ZFYVE28: variants seen among roughly 807,000 people sequenced by gnomAD.
ZFYVE28 encodes the protein zinc finger FYVE-type containing 28, also known as lateral signaling target protein 2 homolog.
Under a neutral mutation model 82.1 loss-of-function variants are expected in ZFYVE28, and 40 were observed. That is an observed-to-expected ratio of 0.49 (90% CI 0.38 to 0.63). The LOEUF (loss-of-function observed/expected upper bound fraction) is 0.63, where lower values mean the gene tolerates loss of function less well. Ranked by LOEUF, ZFYVE28 falls within the 30% of genes least tolerant of loss-of-function variation. ZFYVE28 has a pLI of 0.00. For missense variants in ZFYVE28, 1,321 were observed against 1,242.1 expected (o/e 1.06, Z -0.96); for synonymous variants, 612 against 546.1 (o/e 1.12, Z -1.68).
chr4:2,363,643 C>T (rs969616509), intron 1 of ZFYVE28, among the ~76,000 whole-genome samples: 1 of 152,164 alleles, frequency 6.6e-6, no homozygotes, highest in African/African-American at 2.4e-5. Flanking sequence ...ACCTGTGTTG[C>T]GTAACTTGTA....
At chr4:2,386,864 C>T (rs1729307445) in intron 1 of ZFYVE28, among the ~76,000 whole-genome samples, 1 of 152,262 alleles carries the variant, frequency 6.6e-6, no homozygotes, top group Admixed American at 6.5e-5. Context: ...CCATGCCCGC[C>T]CGCCTGAGGT....
intron 6 of ZFYVE28, among the ~76,000 whole-genome samples, chr4:2,326,615 T>C (rs1459523888): frequency 1.3e-5 from 2 of 152,222 alleles, no homozygotes; most frequent in African/African-American, 4.8e-5. Flanking sequence ...ACATTAAACA[T>C]GTAGATTTAC....
At chr4:2,380,705 C>T (rs902808402) in intron 1 of ZFYVE28, among the ~76,000 whole-genome samples, 3 of 152,160 alleles carry the variant, frequency 2.0e-5, no homozygotes, top group Non-Finnish European at 4.4e-5. Flanking sequence ...ATACTGTTCT[C>T]GTGTGAATAA....
At chr4:2,412,817 C>A (rs373804696) in intron 1 of ZFYVE28, among the ~76,000 whole-genome samples, 1 of 152,160 alleles carries the variant, frequency 6.6e-6, no homozygotes, top group African/African-American at 2.4e-5. Context: ...CCACTGAAGC[C>A]GCCTTAAATT....
At chr4:2,327,459 A>G (rs886666097) in intron 6 of ZFYVE28, among the ~76,000 whole-genome samples, 2 of 151,656 alleles carry the variant, frequency 1.3e-5, no homozygotes, top group Admixed American at 6.6e-5. Context: ...GCCTTGTTCC[A>G]TATCTTACAG....
At chr4:2,329,215 G>C in intron 6 of ZFYVE28, 1 of 619,378 alleles carries the variant, frequency 1.6e-6, no homozygotes, top group Non-Finnish European at 3.0e-6. Flanking sequence ...ATGGAGTATT[G>C]CCATTCTAAC....
intron 1 of ZFYVE28, among the ~76,000 whole-genome samples, chr4:2,360,313 C>T (rs1342266772): frequency 6.6e-6 from 1 of 151,030 alleles, no homozygotes; most frequent in African/African-American, 2.4e-5. Flanking sequence ...TGCCGCTGTA[C>T]CTTGATTTCA....
Position 2,326,099 on chromosome 4 carries a change from C to A in ZFYVE28, c.702-5828G>T, listed in dbSNP as rs145622575. ...TATCTATATTTGCTTCTCTTACCTG[C>A]ACTTTGGGGCCAAATCCAAAAAGTC... On this transcript the variant is annotated intron_variant, in intron 6 of 12. Transcript: ENST00000290974. Among the ~76,000 whole-genome samples, 647 of 152,282 alleles carry A rather than the reference C, an allele frequency of 4.2e-3. 4 individuals carry two copies. The highest frequency in any genetic ancestry group is 0.015 in the African/African-American group (606 of 41,580).
rs756623156 is a variant in ZFYVE28 at position 2,304,842 on chromosome 4, T to C, written c.1498A>G (p.Thr500Ala). 5 of 1,612,314 alleles carry C rather than the reference T, an allele frequency of 3.1e-6. No individual in the cohort carries two copies. The highest frequency in any genetic ancestry group is 4.5e-5 in the East Asian group (2 of 44,856). The change falls in exon 8 of 13, where the codon ACG (threonine) becomes GCG (alanine). Residue 500 changes from threonine (T) to alanine (A), a missense_variant. Physicochemically the swap from Thr to Ala is moderately conservative, Grantham distance 58. Coordinates refer to ENST00000290974, the MANE Select transcript of ZFYVE28 (RefSeq NM_020972.3). ...GWEVGADDAETAEMIAHRTGG... is the reference protein window; with the variant it reads ...GWEVGADDAEAAEMIAHRTGG... ...GTCCGGTGGGCGATCATCTCAGCCG[T>C]CTCTGCGTCATCCGCACCCACCTCC...
intron 8 of ZFYVE28, among the ~76,000 whole-genome samples, chr4:2,298,905 A>C (rs1410275977): frequency 1.3e-5 from 2 of 152,196 alleles, no homozygotes; most frequent in African/African-American, 4.8e-5. Context: ...GATTGATGGC[A>C]AAAAACAAAA....
chr4:2,310,699 G>T (rs1717350987), intron 7 of ZFYVE28, among the ~76,000 whole-genome samples: 1 of 152,222 alleles, frequency 6.6e-6, no homozygotes, highest in Non-Finnish European at 1.5e-5. Context: ...AGCTACTCAG[G>T]AGGCTGAGGT....
At chr4:2,308,653 GAA>G (rs1347251611) in intron 7 of ZFYVE28, among the ~76,000 whole-genome samples, 17 of 101,676 alleles carry the variant, frequency 1.7e-4, no homozygotes, top group South Asian at 3.2e-4. Context: ...AAGAAAGAAA[GAA>G]AGAAAGAAAG....
At chr4:2,342,037 G>GAC (rs1722904658) in intron 2 of ZFYVE28, among the ~76,000 whole-genome samples, 1 of 152,038 alleles carries the variant, frequency 6.6e-6, no homozygotes, top group Non-Finnish European at 1.5e-5. Flanking sequence ...GGGCTCAGAC[G>GAC]GACTCTCAGT....
chr4:2,304,588 C>T lies in ZFYVE28; in HGVS notation c.1752G>A (p.Lys584=), dbSNP rs754631081. The part of the protein sequence containing the change: ...REDVVERLRE[K]CSPGGVIGAS... Reference sequence around the variant, plus strand: ...CACCAATGACGCCTCCCGGGCTGCACTTCTCCCGCAGACGCTCCACCACGT... The same window carrying T: ...CACCAATGACGCCTCCCGGGCTGCATTTCTCCCGCAGACGCTCCACCACGT... The change falls in exon 8 of 13, where the codon AAG becomes AAA. Residue 584 remains lysine, a synonymous_variant. Coordinates refer to ENST00000290974, the MANE Select transcript of ZFYVE28 (RefSeq NM_020972.3). The T allele has an allele frequency of 1.2e-6, 2 of 1,612,476 alleles. No individual in the cohort carries two copies. Among genetic ancestry groups the T allele is most frequent in the South Asian group, 1.1e-5 (1 of 91,060 alleles).
At chr4:2,318,459 G>A (rs768383515) in intron 7 of ZFYVE28, among the ~76,000 whole-genome samples, 4 of 152,250 alleles carry the variant, frequency 2.6e-5, no homozygotes, top group Admixed American at 6.5e-5. Flanking sequence ...TCAGGAGGCT[G>A]AGGCAGGAGA....
intron 8 of ZFYVE28, among the ~76,000 whole-genome samples, chr4:2,302,579 A>G (rs1284828452): frequency 6.6e-6 from 1 of 152,222 alleles, no homozygotes; most frequent in Non-Finnish European, 1.5e-5. Flanking sequence ...AGCTCCTCAA[A>G]ATGCCACACA....
chr4:2,283,800 A>T (rs1452958502), intron 8 of ZFYVE28, among the ~76,000 whole-genome samples: 3 of 152,166 alleles, frequency 2.0e-5, no homozygotes, highest in Non-Finnish European at 4.4e-5. Flanking sequence ...CTCAGGCTGG[A>T]GAGAGGTCTG....
chr4:2,361,190 C>T (rs1196701133), intron 1 of ZFYVE28, among the ~76,000 whole-genome samples: 1 of 152,132 alleles, frequency 6.6e-6, no homozygotes, highest in African/African-American at 2.4e-5. Flanking sequence ...GTAAAGAAGG[C>T]ATTTCGTTCA....
chr4:2,354,313 G>C (rs1431892759), intron 1 of ZFYVE28, among the ~76,000 whole-genome samples: 1 of 152,144 alleles, frequency 6.6e-6, no homozygotes, highest in African/African-American at 2.4e-5. Flanking sequence ...TTTCACCCCA[G>C]GACTGTGGGG....
Sources: allele counts gnomAD v4.1 joint callset (sites outside exome capture counted in the v4.1 genomes callset), GRCh38; gene constraint gnomAD v4.1.1; transcripts MANE v1.5; gene names NCBI Gene and HGNC (gene_info 2026-07-23, HGNC 2026-07-21).